PCDH9: variants seen among roughly 807,000 people sequenced by gnomAD.
The protein encoded by PCDH9 is protocadherin-9.
A neutral mutation model predicts 70.6 loss-of-function variants in PCDH9; 24 were observed. The observed-to-expected ratio is 0.34, with a 90% CI of 0.25 to 0.48. PCDH9 has a LOEUF of 0.48. PCDH9 is among the 20% of genes least tolerant of loss of function. The pLI, the probability that PCDH9 is intolerant of heterozygous loss-of-function variation, is 0.99. For synonymous variants in PCDH9, 562 were observed against 558.5 expected (o/e 1.01, Z -0.09); for missense variants, 1,281 against 1,503.6 (o/e 0.85, Z 2.45).
chr13:67,196,796 G>C (rs1478709122), intron 2 of PCDH9, among the ~76,000 whole-genome samples: 5 of 152,004 alleles, frequency 3.3e-5, no homozygotes, highest in African/African-American at 9.7e-5. Context: ...CCAAATAGGA[G>C]CTCTTGTGAC....
rs1955400487 is a variant in PCDH9 at position 66,303,228 on chromosome 13, G to T, written c.*1427C>A. The T allele has an allele frequency of 6.6e-6, 1 of 151,012 alleles. No individual in the cohort carries two copies. The highest frequency in any genetic ancestry group is 2.4e-5 in the African/African-American group (1 of 40,874). 9.4% of individuals were successfully genotyped at this position (151,012 alleles called of 1,614,324 possible). ...TGCTATTTATTTGTTTAAATCATCT[G>T]TCATGCCTTAACAAAAACCTCCTAA... On this transcript the variant is annotated 3_prime_UTR_variant, in exon 5 of 5. Coordinates refer to ENST00000377865, the MANE Select transcript of PCDH9 (RefSeq NM_203487.3).
At chr13:66,580,331 T>C (rs947642876) in intron 4 of PCDH9, among the ~76,000 whole-genome samples, 10 of 151,992 alleles carry the variant, frequency 6.6e-5, no homozygotes, top group African/African-American at 2.4e-4. Context: ...GTTTGAGGCC[T>C]AGGATCTAGT....
intron 2 of PCDH9, among the ~76,000 whole-genome samples, chr13:67,123,009 G>A (rs2086906603): frequency 6.6e-6 from 1 of 151,940 alleles, no homozygotes; most frequent in South Asian, 2.1e-4. Flanking sequence ...AAATTAGTGT[G>A]CAGATTTCCT....
chr13:66,431,110 T>A (rs1273578277), intron 4 of PCDH9, among the ~76,000 whole-genome samples: 1 of 152,048 alleles, frequency 6.6e-6, no homozygotes, highest in African/African-American at 2.4e-5. Context: ...TCCTAGGGAA[T>A]GAAAGAGTAA....
intron 4 of PCDH9, among the ~76,000 whole-genome samples, chr13:66,512,931 T>G (rs1206997279): frequency 6.6e-6 from 1 of 152,000 alleles, no homozygotes; most frequent in African/African-American, 2.4e-5. Context: ...CTGGCTCAAG[T>G]GATCCTCCCA....
At chr13:66,742,406 G>A (rs2079280088) in intron 3 of PCDH9, among the ~76,000 whole-genome samples, 2 of 107,674 alleles carry the variant, frequency 1.9e-5, no homozygotes, top group Admixed American at 1.1e-4. Context: ...GAAAACCTAG[G>A]CATTACCATT....
At chr13:66,894,372 C>T (rs2082142907) in intron 3 of PCDH9, among the ~76,000 whole-genome samples, 2 of 151,974 alleles carry the variant, frequency 1.3e-5, no homozygotes, top group Non-Finnish European at 2.9e-5. Flanking sequence ...AAGCTTTTAA[C>T]ATTTTTAAAC....
chr13:66,502,142 T>G (rs1959180035), intron 4 of PCDH9, among the ~76,000 whole-genome samples: 1 of 152,190 alleles, frequency 6.6e-6, no homozygotes, highest in Admixed American at 6.5e-5. Flanking sequence ...GCCTAGTGGC[T>G]ACATTGGGTG....
intron 2 of PCDH9, among the ~76,000 whole-genome samples, chr13:67,193,332 AACACACACACACACACAC>A (rs71110637): frequency 7.0e-6 from 1 of 141,952 alleles, no homozygotes; most frequent in Non-Finnish European, 1.6e-5. Context: ...TGGAGATTAA[AACACACACACACACACAC>A]ACACACACAC....
At chr13:66,375,392 A>C (rs1329821691) in intron 4 of PCDH9, among the ~76,000 whole-genome samples, 1 of 151,992 alleles carries the variant, frequency 6.6e-6, no homozygotes, top group Non-Finnish European at 1.5e-5. Context: ...CGTCCTCAAA[A>C]CTAGGCTATT....
intron 3 of PCDH9, among the ~76,000 whole-genome samples, chr13:66,764,744 C>T (rs2079684370): frequency 6.6e-6 from 1 of 151,828 alleles, no homozygotes; most frequent in Non-Finnish European, 1.5e-5. Flanking sequence ...ATCACCAAGG[C>T]CAAAACATGC....
At chr13:66,885,588 C>T (rs1469922043) in intron 3 of PCDH9, among the ~76,000 whole-genome samples, 1 of 152,014 alleles carries the variant, frequency 6.6e-6, no homozygotes, top group Admixed American at 6.6e-5. Context: ...GTTCAAGTAA[C>T]AATTGGGATT....
intron 2 of PCDH9, among the ~76,000 whole-genome samples, chr13:67,107,537 C>T (rs1015636153): frequency 2.0e-5 from 3 of 152,188 alleles, no homozygotes. Flanking sequence ...CTACCCACTG[C>T]AGGTCTCCTC....
intron 4 of PCDH9, among the ~76,000 whole-genome samples, chr13:66,561,344 A>T (rs945917612): frequency 3.3e-5 from 5 of 152,076 alleles, no homozygotes; most frequent in African/African-American, 1.2e-4. Flanking sequence ...AGCCTCCCGG[A>T]GGAGTGCCGC....
intron 2 of PCDH9, among the ~76,000 whole-genome samples, chr13:67,146,859 TA>T (rs1437366527): frequency 6.6e-6 from 1 of 152,202 alleles, no homozygotes; most frequent in Non-Finnish European, 1.5e-5. Flanking sequence ...AACATTTTCG[TA>T]AAGTAAATAT....
chr13:66,375,936 G>A (rs1262758015), intron 4 of PCDH9, among the ~76,000 whole-genome samples: 1 of 152,042 alleles, frequency 6.6e-6, no homozygotes, highest in Non-Finnish European at 1.5e-5. Context: ...TCCTCTGTGA[G>A]TACAGTGCAT....
chr13:67,034,269 C>T (rs7987017), intron 2 of PCDH9, among the ~76,000 whole-genome samples: 16,536 of 152,138 alleles, frequency 0.11, 988 homozygotes, highest in Middle Eastern at 0.16. Context: ...AGGCATGAGC[C>T]ACCGTGCCCA....
At chr13:66,608,256 T>C (rs2077246989) in intron 4 of PCDH9, among the ~76,000 whole-genome samples, 1 of 152,080 alleles carries the variant, frequency 6.6e-6, no homozygotes, top group African/African-American at 2.4e-5. Flanking sequence ...CACATTATCA[T>C]AGATTTAAGA....
chr13:66,469,724 G>A (rs776664106), intron 4 of PCDH9, among the ~76,000 whole-genome samples: 3 of 151,974 alleles, frequency 2.0e-5, no homozygotes, highest in Admixed American at 6.6e-5. Flanking sequence ...ATCTCTGGTC[G>A]CCTCTTATTT....
Sources: allele counts gnomAD v4.1 joint callset (sites outside exome capture counted in the v4.1 genomes callset), GRCh38; gene constraint gnomAD v4.1.1; transcripts MANE v1.5; gene names NCBI Gene and HGNC (gene_info 2026-07-23, HGNC 2026-07-21).